FRMPD3: variants seen among roughly 807,000 people sequenced by gnomAD.
FRMPD3 encodes FERM and PDZ domain-containing protein 3.
FRMPD3 carries 42 observed loss-of-function variants against 97.9 expected under a neutral mutation model. That is an observed-to-expected ratio of 0.43 (90% CI 0.34 to 0.55). FRMPD3 has a LOEUF of 0.55. Ranked by LOEUF, FRMPD3 falls within the 20% of genes least tolerant of loss-of-function variation. The pLI, the probability that FRMPD3 is intolerant of heterozygous loss-of-function variation, is 0.03. For synonymous variants in FRMPD3, 577 were observed against 581.1 expected (o/e 0.99, Z 0.10); for missense variants, 1,303 against 1,457.7 (o/e 0.89, Z 1.73).
Position 107,554,378 on chromosome X carries a change from A to C in FRMPD3, c.643-7A>C. On this transcript the variant is annotated splice_polypyrimidine_tract_variant and splice_region_variant and intron_variant, in intron 7 of 14. Transcript: ENST00000683843. ...TTTTCTTCTCCCCTTTCATCCCTGG[A>C]ATTCAGGTGGTACAGCGGACACACT... 8.3e-7 allele frequency: 1 copy of C among 1,207,070 alleles called. No homozygotes were observed. Among genetic ancestry groups the C allele is most frequent in the Non-Finnish European group, 1.1e-6 (1 of 893,572 alleles).
chrX:107,489,928 A>C (rs1329447615), intron 1 of FRMPD3, among the ~76,000 whole-genome samples: 1 of 111,775 alleles, frequency 8.9e-6, no homozygotes, highest in Non-Finnish European at 1.9e-5. Context: ...TATATCCTGA[A>C]TGGTATTGCC....
chrX:107,601,567 G>A lies in FRMPD3; in HGVS notation c.3528G>A (p.Gln1176=), dbSNP rs760694722. The A allele has an allele frequency of 5.0e-6, 6 of 1,197,784 alleles. No homozygotes were observed. In the African/African-American group the frequency reaches 5.3e-5, roughly 11 times the overall value. Residue 1176 remains glutamine (Q), a synonymous_variant, in exon 15 of 15, where the codon CAG becomes CAA. Coordinates refer to ENST00000683843, the MANE Select transcript of FRMPD3 (RefSeq NM_001388459.1). ...GAGGCCAGAGCCCACTGAGGTCTCA[G>A]GCTGCCAGCCGGCAGGTGAGCACCA... ...QPRGQSPLRS[Q]AASRQVSTMP...
At chrX:107,525,500 G>A (rs1922661075) in intron 1 of FRMPD3, 1 of 528,053 alleles carries the variant, frequency 1.9e-6, no homozygotes, top group African/African-American at 2.3e-5. Context: ...CTAAGCTTTA[G>A]TTACTTAAGT....
intron 12 of FRMPD3, among the ~76,000 whole-genome samples, chrX:107,575,687 A>G (rs1231989946): frequency 3.6e-5 from 4 of 111,942 alleles, no homozygotes; most frequent in Non-Finnish European, 7.5e-5. Flanking sequence ...CTGACCTCAG[A>G]TGATCCTCCT....
intron 1 of FRMPD3, among the ~76,000 whole-genome samples, chrX:107,463,027 A>G (rs1931502930): frequency 9.0e-6 from 1 of 110,907 alleles, no homozygotes; most frequent in Non-Finnish European, 1.9e-5. Context: ...TTTCTCCACC[A>G]CTGAGGTTTG....
intron 1 of FRMPD3, among the ~76,000 whole-genome samples, chrX:107,525,054 C>A (rs1602773473): frequency 9.1e-6 from 1 of 110,224 alleles, no homozygotes; most frequent in East Asian, 2.8e-4. Context: ...TCAAAACCTC[C>A]TACTTCTTTT....
chrX:107,493,035 C>T (rs1921695158), intron 1 of FRMPD3, among the ~76,000 whole-genome samples: 1 of 109,170 alleles, frequency 9.2e-6, no homozygotes, highest in Admixed American at 9.8e-5. Context: ...AAAAAATTAG[C>T]CTGGTCTGGT....
chrX:107,524,110 G>T (rs774046309), intron 1 of FRMPD3, among the ~76,000 whole-genome samples: 4 of 112,330 alleles, frequency 3.6e-5, no homozygotes, highest in Non-Finnish European at 7.5e-5. Flanking sequence ...GCGCCAACAA[G>T]TCCGGGTGGC....
At chrX:107,480,243 T>C (rs1013635875) in intron 1 of FRMPD3, among the ~76,000 whole-genome samples, 3 of 110,839 alleles carry the variant, frequency 2.7e-5, no homozygotes, top group Non-Finnish European at 5.7e-5. Flanking sequence ...ATGTGGAAGA[T>C]TGGAGTGTGG....
At chrX:107,600,221 T>C in intron 14 of FRMPD3, 82 bp from the exon 15 acceptor site, 6 of 1,099,051 alleles carry the variant, frequency 5.5e-6, no homozygotes, top group Non-Finnish European at 7.2e-6. Context: ...CAATCGCCCA[T>C]GAATACCGAG....
chrX:107,456,025 G>A (rs1392347264), intron 1 of FRMPD3, among the ~76,000 whole-genome samples: 1 of 111,010 alleles, frequency 9.0e-6, no homozygotes, highest in Non-Finnish European at 1.9e-5. Flanking sequence ...TGGAAGATAA[G>A]GCTAGGAAGA....
At chrX:107,529,650 A>G (rs898043894) in intron 2 of FRMPD3, among the ~76,000 whole-genome samples, 3 of 111,797 alleles carry the variant, frequency 2.7e-5, no homozygotes, top group African/African-American at 9.8e-5. Context: ...ACTGCCCAAA[A>G]GTATGTGCTT....
intron 1 of FRMPD3, among the ~76,000 whole-genome samples, chrX:107,514,750 T>A (rs1922263616): frequency 9.0e-6 from 1 of 110,933 alleles, no homozygotes; most frequent in South Asian, 3.8e-4. Flanking sequence ...GGTCTCGAAC[T>A]TCTGACCTCA....
intron 1 of FRMPD3, among the ~76,000 whole-genome samples, chrX:107,462,268 A>T (rs1307584405): frequency 1.8e-5 from 2 of 111,675 alleles, no homozygotes; most frequent in Non-Finnish European, 3.8e-5. Context: ...ATCTCACATT[A>T]CTTTAATTTT....
At chrX:107,492,286 C>G (rs1249474740) in intron 1 of FRMPD3, among the ~76,000 whole-genome samples, 1 of 111,670 alleles carries the variant, frequency 9.0e-6, no homozygotes, top group African/African-American at 3.3e-5. Flanking sequence ...CCTCGCATCC[C>G]TATGTCTCTG....
intron 1 of FRMPD3, among the ~76,000 whole-genome samples, chrX:107,502,650 A>C (rs912275038): frequency 8.9e-6 from 1 of 111,961 alleles, no homozygotes; most frequent in Admixed American, 9.4e-5. Flanking sequence ...CTTAAAAAAA[A>C]CCAAAACAAT....
intron 1 of FRMPD3, among the ~76,000 whole-genome samples, chrX:107,489,202 A>G (rs1191980161): frequency 9.1e-6 from 1 of 109,344 alleles, no homozygotes. Context: ...TCCATGGTGT[A>G]TATGTGCCAC....
rs1282009431 is a variant in FRMPD3 at position 107,449,684 on chromosome X, C to T, written c.-329C>T. On this transcript the variant is annotated 5_prime_UTR_variant, in exon 1 of 15. It adds an upstream start codon to the 5' untranslated region. Transcript: ENST00000683843. ...GAGCGAGAGAGCGACGAGCGAGCCA[C>T]GGCGATGGTGCCGCCCGCGGCGCAG... Among the ~76,000 whole-genome samples, 1 of 108,824 alleles carries T rather than the reference C, an allele frequency of 9.2e-6. No individual in the cohort carries two copies. The highest frequency in any genetic ancestry group is 1.9e-5 in the Non-Finnish European group (1 of 51,899). 94.5% of individuals were successfully genotyped at this position (108,824 alleles called of 115,157 possible).
intron 1 of FRMPD3, among the ~76,000 whole-genome samples, chrX:107,470,286 G>T (rs1385531470): frequency 8.9e-6 from 1 of 112,301 alleles, no homozygotes; most frequent in African/African-American, 3.2e-5. Flanking sequence ...CTGGCTCAGG[G>T]TCACTCATGA....
Sources: gnomAD v4.1 joint callset for allele counts (sites outside exome capture counted in the v4.1 genomes callset) on GRCh38, gnomAD v4.1.1 for gene constraint, MANE v1.5 for transcripts, NCBI Gene and HGNC (gene_info 2026-07-23, HGNC 2026-07-21) for gene names.